Variants in ARHGEF9 observed in about 807,000 individuals in gnomAD.
The protein encoded by ARHGEF9 is Cdc42 guanine nucleotide exchange factor 9.
In ARHGEF9, 2 loss-of-function variants were observed where a neutral mutation model predicts 41.3. The ratio of observed to expected loss-of-function variants is 0.05; its 90% CI spans 0.02 to 0.15. The LOEUF (loss-of-function observed/expected upper bound fraction) is 0.15, where lower values mean the gene tolerates loss of function less well. ARHGEF9 is among the 10% of genes least tolerant of loss of function. The pLI is 1.00. For missense variants in ARHGEF9, 225 were observed against 424.7 expected (o/e 0.53, Z 4.13); for synonymous variants, 160 against 154.4 (o/e 1.04, Z -0.27).
intron 7 of ARHGEF9, among the ~76,000 whole-genome samples, chrX:63,664,661 A>T (rs782028725): frequency 8.9e-6 from 1 of 112,220 alleles, no homozygotes; most frequent in East Asian, 2.8e-4. Context: ...CAGATTCATA[A>T]AAGTTCTCTG....
At chrX:63,648,832 C>T (rs1429691171) in intron 8 of ARHGEF9, among the ~76,000 whole-genome samples, 1 of 111,334 alleles carries the variant, frequency 9.0e-6, no homozygotes, top group Non-Finnish European at 1.9e-5. Flanking sequence ...TTTAAACCAA[C>T]AAAGATCAAA....
At chrX:63,784,966 C>T in intron 1 of ARHGEF9, 150 bp downstream of exon 1, 1 of 687,749 alleles carries the variant, frequency 1.5e-6, no homozygotes, top group Non-Finnish European at 2.2e-6. Context: ...AAAATGGCCA[C>T]AGCAAGCTCA....
chrX:63,689,383 A>C (rs1471522571), intron 4 of ARHGEF9, among the ~76,000 whole-genome samples: 4 of 112,043 alleles, frequency 3.6e-5, no homozygotes, highest in African/African-American at 9.7e-5. Context: ...CAGGTCAAAA[A>C]CTGTAAGAAA....
chrX:63,734,252 C>A (rs1466100399), intron 1 of ARHGEF9, among the ~76,000 whole-genome samples: 8 of 112,061 alleles, frequency 7.1e-5, no homozygotes, highest in South Asian at 3.7e-4. Context: ...AGAGAGAAGA[C>A]ATGTTTCTGA....
At chrX:63,719,950 G>A in intron 2 of ARHGEF9, 1 of 277,115 alleles carries the variant, frequency 3.6e-6, no homozygotes, top group Admixed American at 6.3e-5. Flanking sequence ...CAATAGCACA[G>A]GAAGGAGGAA....
At chrX:63,656,809 G>A (rs1475006503) in intron 7 of ARHGEF9, 1 of 112,070 alleles carries the variant, frequency 8.9e-6, no homozygotes, top group African/African-American at 3.2e-5. Context: ...AAAAGAAGCA[G>A]AAGAGAGGGT....
At chrX:63,672,761 C>T (rs1556357158) in intron 6 of ARHGEF9, among the ~76,000 whole-genome samples, 5 of 111,386 alleles carry the variant, frequency 4.5e-5, no homozygotes, top group African/African-American at 6.5e-5. Flanking sequence ...GAGAATAAGG[C>T]CAGCTAATCC....
chrX:63,754,554 G>T, intron 1 of ARHGEF9: 2 of 1,089,603 alleles, frequency 1.8e-6, no homozygotes, highest in South Asian at 4.8e-5. Context: ...CGGCAAAAAC[G>T]ACTACAGTTT....
Position 63,719,812 on chromosome X carries a change from C to T in ARHGEF9, c.210+4720G>A, listed in dbSNP as rs113511164. The T allele has an allele frequency of 6.8e-3, 1,999 of 294,446 alleles. 36 individuals are homozygous for T. Among genetic ancestry groups the T allele is most frequent in the African/African-American group, 0.05 (1,828 of 36,285 alleles). 24.3% of individuals were successfully genotyped at this position (294,446 alleles called of 1,213,427 possible). A position where few individuals can be genotyped will look rare whatever the true frequency, so the allele number is the denominator to read the frequency against. Reference sequence around the variant, plus strand: ...CCTTTTTGGCACTGAGGGACTAGCACAGAGGTTGACCTCTGGCTGGAGAGG... The same window carrying T: ...CCTTTTTGGCACTGAGGGACTAGCATAGAGGTTGACCTCTGGCTGGAGAGG... On this transcript the variant is annotated intron_variant, in intron 2 of 9. Coordinates refer to ENST00000671741, the MANE Select transcript of ARHGEF9 (RefSeq NM_001353921.2).
intron 4 of ARHGEF9, among the ~76,000 whole-genome samples, chrX:63,686,362 G>T (rs1486358557): frequency 9.0e-6 from 1 of 111,243 alleles, no homozygotes; most frequent in East Asian, 2.8e-4. Context: ...AGACGGAAGT[G>T]TGAGCAGGTG....
intron 6 of ARHGEF9, 137 bp from the exon 7 acceptor site, chrX:63,666,154 G>A (rs2049528118): frequency 5.1e-6 from 4 of 781,943 alleles, no homozygotes; most frequent in Non-Finnish European, 7.4e-6. Flanking sequence ...AGGGAGAGAG[G>A]GACTCCTGGG....
At chrX:63,783,699 C>A (rs1397074848) in intron 1 of ARHGEF9, among the ~76,000 whole-genome samples, 2 of 111,772 alleles carry the variant, frequency 1.8e-5, no homozygotes, top group East Asian at 5.7e-4. Flanking sequence ...TCAGGAGACT[C>A]AAGTGCTAGA....
intron 1 of ARHGEF9, among the ~76,000 whole-genome samples, chrX:63,775,155 T>C (rs1244495165): frequency 8.9e-6 from 1 of 112,308 alleles, no homozygotes; most frequent in East Asian, 2.8e-4. Context: ...GAATGCCTAT[T>C]ATTAAGAAGT....
chrX:63,773,652 G>C (rs1458162979), intron 1 of ARHGEF9, among the ~76,000 whole-genome samples: 1 of 111,964 alleles, frequency 8.9e-6, no homozygotes, highest in Non-Finnish European at 1.9e-5. Flanking sequence ...ATTACTCTGG[G>C]TGTGTCTGTG....
chrX:63,679,176 A>G (rs1472120416), intron 4 of ARHGEF9, among the ~76,000 whole-genome samples: 2 of 111,443 alleles, frequency 1.8e-5, no homozygotes, highest in Non-Finnish European at 3.8e-5. Flanking sequence ...TGGACATATA[A>G]ATATGTACAT....
chrX:63,704,695 T>C (rs180828198), intron 3 of ARHGEF9, among the ~76,000 whole-genome samples: 127 of 112,682 alleles, frequency 1.1e-3, no homozygotes, highest in African/African-American at 3.9e-3. Flanking sequence ...ACTTAAGAGA[T>C]TGCTATAATG....
At chrX:63,657,471 T>G (rs1602262813) in intron 7 of ARHGEF9, 1 of 112,110 alleles carries the variant, frequency 8.9e-6, no homozygotes, top group South Asian at 3.7e-4. Flanking sequence ...ACAGATGTCG[T>G]TGAATTGCTT....
chrX:63,725,639 TG>T (rs2053920815), intron 1 of ARHGEF9: 1 of 57,027 alleles, frequency 1.8e-5, no homozygotes, highest in Admixed American at 2.4e-4. Context: ...AGGGATGGGG[TG>T]GGGGTGGGGA....
intron 1 of ARHGEF9, 24 bp downstream of exon 1, chrX:63,785,092 G>A (rs1419382400): frequency 3.4e-5 from 40 of 1,162,549 alleles, no homozygotes; most frequent in Non-Finnish European, 4.5e-5. Flanking sequence ...TCAAGCAAGG[G>A]AAGCCAAGGT....
Sources: allele counts gnomAD v4.1 joint callset (sites outside exome capture counted in the v4.1 genomes callset), GRCh38; gene constraint gnomAD v4.1.1; transcripts MANE v1.5; gene names NCBI Gene and HGNC (gene_info 2026-07-23, HGNC 2026-07-21).